Variants in BTAF1 observed in about 807,000 individuals in gnomAD.
The protein encoded by BTAF1 is B-TFIID TATA-box binding protein associated factor 1, also known as TATA-binding protein-associated factor 172.
A neutral mutation model predicts 227.1 loss-of-function variants in BTAF1; 38 were observed. That is an observed-to-expected ratio of 0.17 (90% CI 0.13 to 0.22). The LOEUF is 0.22. BTAF1 is among the 10% of genes least tolerant of loss of function. BTAF1 has a pLI of 1.00. For missense variants in BTAF1, 1,598 were observed against 2,204.0 expected (o/e 0.73, Z 5.51); for synonymous variants, 742 against 751.9 (o/e 0.99, Z 0.21).
intron 33 of BTAF1, 47 bp from the exon 34 acceptor site, chr10:92,018,736 G>A: frequency 7.3e-7 from 1 of 1,361,650 alleles, no homozygotes; most frequent in Admixed American, 2.7e-5. Flanking sequence ...AAAAATATTT[G>A]TGATATGCGA....
rs1015216738 is a variant in BTAF1, at chr10:91,923,853, C to A, written c.-224C>A. 1.3e-5 allele frequency: 6 copies of A among 460,922 alleles called. No individual in the cohort carries two copies. The highest frequency in any genetic ancestry group is 2.3e-5 in the Non-Finnish European group (6 of 262,572). The allele number at this position is 460,922 out of a possible 1,614,324, so 28.6% of individuals were successfully genotyped here. A position where few individuals can be genotyped will look rare whatever the true frequency, so the allele number is the denominator to read the frequency against. ...AGTCGTGCGGGTCGGAGGACTGCCG[C>A]CTCCGCTACCGTCTTGGACCCCTGC... On this transcript the variant is annotated 5_prime_UTR_variant, in exon 1 of 38. Transcript: ENST00000265990.
chr10:91,943,562 T>C (rs1056454626), intron 4 of BTAF1, among the ~76,000 whole-genome samples: 1 of 152,194 alleles, frequency 6.6e-6, no homozygotes, highest in Non-Finnish European at 1.5e-5. Flanking sequence ...CACTTTTTTA[T>C]CATAAAAAAT....
intron 25 of BTAF1, among the ~76,000 whole-genome samples, chr10:92,000,187 A>G (rs570809930): frequency 6.6e-6 from 1 of 152,290 alleles, no homozygotes; most frequent in African/African-American, 2.4e-5. Context: ...CATTTCCAGA[A>G]TTGTTTTCAT....
At chr10:91,978,826 T>G (rs1402500733) in intron 14 of BTAF1, among the ~76,000 whole-genome samples, 2 of 150,364 alleles carry the variant, frequency 1.3e-5, no homozygotes, top group African/African-American at 2.4e-5. Context: ...TTTTTTTTTT[T>G]TTTTTTTTTT....
At chr10:91,943,111 C>T (rs529610095) in intron 4 of BTAF1, among the ~76,000 whole-genome samples, 42 of 152,138 alleles carry the variant, frequency 2.8e-4, no homozygotes, top group African/African-American at 9.4e-4. Context: ...GTCAGGAGTT[C>T]GAGAGCAGCC....
At chr10:91,994,231 T>C (rs1321177972) in intron 22 of BTAF1, among the ~76,000 whole-genome samples, 1 of 151,406 alleles carries the variant, frequency 6.6e-6, no homozygotes, top group Non-Finnish European at 1.5e-5. Flanking sequence ...ACCCTGGGGG[T>C]GGAGGTTGCA....
chr10:92,025,433 C>CTT (rs372492834), intron 35 of BTAF1, among the ~76,000 whole-genome samples: 8 of 150,054 alleles, frequency 5.3e-5, no homozygotes, highest in African/African-American at 9.8e-5. Context: ...TCAGTGGTTG[C>CTT]TTTTTTTTTT....
chr10:91,978,899 G>A lies in BTAF1; in HGVS notation c.1651-1555G>A, dbSNP rs542133679. Among the ~76,000 whole-genome samples the A allele has an allele frequency of 9.4e-5, 14 of 148,220 alleles. No individual in the cohort carries two copies. In the South Asian group the frequency reaches 2.6e-3, roughly 27 times the overall value. On this transcript the variant is annotated intron_variant, in intron 14 of 37. Transcript: ENST00000265990. The stretch of plus-strand genomic sequence containing the variant: ...TGCTATGTAGGTAAACTTATGTCAC[G>A]GGGGTTTGTTGTAAGATTATTTTGC...
At chr10:91,989,830 T>C (rs1305077263) in intron 20 of BTAF1, among the ~76,000 whole-genome samples, 1 of 152,222 alleles carries the variant, frequency 6.6e-6, no homozygotes, top group Non-Finnish European at 1.5e-5. Flanking sequence ...GACTGAAATC[T>C]GTAAGACAGG....
At chr10:91,980,604 A>G (rs377402291) in intron 15 of BTAF1, 46 bp downstream of exon 15, 62 of 1,495,158 alleles carry the variant, frequency 4.1e-5, no homozygotes, top group Non-Finnish European at 5.3e-5. Flanking sequence ...TAACTTTTGT[A>G]GATTTTTAAA....
At chr10:91,947,576 C>G (rs535962466) in intron 4 of BTAF1, among the ~76,000 whole-genome samples, 2 of 151,938 alleles carry the variant, frequency 1.3e-5, no homozygotes, top group Non-Finnish European at 2.9e-5. Flanking sequence ...TCTATTCTTA[C>G]GCGAGTACCA....
At chr10:91,957,666 C>G (rs1000973018) in intron 8 of BTAF1, among the ~76,000 whole-genome samples, 1 of 152,190 alleles carries the variant, frequency 6.6e-6, no homozygotes, top group Admixed American at 6.5e-5. Context: ...ACATCTTGAA[C>G]AGTTCCCAAT....
At chr10:91,929,792 C>G (rs1273349598) in intron 1 of BTAF1, among the ~76,000 whole-genome samples, 1 of 150,756 alleles carries the variant, frequency 6.6e-6, no homozygotes, top group Non-Finnish European at 1.5e-5. Context: ...TTGCCTCAAG[C>G]ATTCCTCCCG....
At chr10:91,931,539 C>CAG (rs1401286660) in intron 1 of BTAF1, among the ~76,000 whole-genome samples, 3 of 152,258 alleles carry the variant, frequency 2.0e-5, no homozygotes, top group Non-Finnish European at 4.4e-5. Flanking sequence ...TGTGTTCCCT[C>CAG]AGTCAGCCCT....
At chr10:91,959,904 T>C in intron 10 of BTAF1, 24 bp downstream of exon 10, 2 of 1,602,280 alleles carry the variant, frequency 1.2e-6, no homozygotes, top group Non-Finnish European at 1.7e-6. Flanking sequence ...AAGGGAGGCT[T>C]TGCCCAATCA....
At chr10:91,968,784 G>T (rs1358095222) in intron 14 of BTAF1, among the ~76,000 whole-genome samples, 1 of 152,164 alleles carries the variant, frequency 6.6e-6, no homozygotes, top group Non-Finnish European at 1.5e-5. Context: ...GTTTCCTAGT[G>T]ATACATGATG....
At chr10:91,970,614 G>C (rs1304687716) in intron 14 of BTAF1, among the ~76,000 whole-genome samples, 3 of 152,206 alleles carry the variant, frequency 2.0e-5, no homozygotes, top group Non-Finnish European at 4.4e-5. Flanking sequence ...CTCCCACTGG[G>C]TCCCTATAAC....
chr10:92,017,021 T>C (rs1326927386), intron 33 of BTAF1, among the ~76,000 whole-genome samples: 1 of 152,170 alleles, frequency 6.6e-6, no homozygotes, highest in Non-Finnish European at 1.5e-5. Context: ...GCTTTTTTAT[T>C]CAAAAAATAT....
At chr10:91,952,424 C>T (rs1845832907) in intron 5 of BTAF1, among the ~76,000 whole-genome samples, 1 of 152,112 alleles carries the variant, frequency 6.6e-6, no homozygotes, top group South Asian at 2.1e-4. Context: ...CTGTGGCTCT[C>T]TTCGGAAAAA....
Sources: allele counts gnomAD v4.1 joint callset (sites outside exome capture counted in the v4.1 genomes callset), GRCh38; gene constraint gnomAD v4.1.1; transcripts MANE v1.5; gene names NCBI Gene and HGNC (gene_info 2026-07-23, HGNC 2026-07-21).